Variants in ASB2 observed in about 807,000 individuals in gnomAD.
ASB2 encodes the protein ankyrin repeat and SOCS box containing 2, also known as ankyrin repeat and SOCS box protein 2.
Under a neutral mutation model 62.4 loss-of-function variants are expected in ASB2, and 58 were observed. The ratio of observed to expected loss-of-function variants is 0.93; its 90% confidence interval spans 0.75 to 1.16. The LOEUF is 1.16. ASB2 is among the 50% of genes most tolerant of loss of function. The pLI is 0.00. For missense variants in ASB2, 928 were observed against 887.9 expected (o/e 1.05, Z -0.57); for synonymous variants, 386 against 385.3 (o/e 1.00, Z -0.02).
At position 93,957,016 on chromosome 14, in the gene ASB2, C is replaced by T. The variant is rs371389301; in HGVS notation, c.207-146G>A. On this transcript the variant is annotated intron_variant, in intron 2 of 9. Transcript: ENST00000555019. ...AGGGCTCTGAACCAAAGCAGATGGC[C>T]GGGTCCTCTGTGTGCTGGACACAGC... 6.6e-5 allele frequency: 101 copies of T among 1,533,790 alleles called. No homozygotes were observed. In the African/African-American group the frequency reaches 7.6e-4, roughly 11 times the overall value.
chr14:93,942,122 C>A, intron 7 of ASB2: 2 of 453,706 alleles, frequency 4.4e-6, no homozygotes, highest in South Asian at 3.1e-5. Flanking sequence ...TCTTCCCAGC[C>A]CATTTTGTGG....
intron 2 of ASB2, among the ~76,000 whole-genome samples, chr14:93,959,664 G>A (rs113746793): frequency 0.018 from 2,698 of 152,260 alleles, 78 homozygotes; most frequent in African/African-American, 0.062. Flanking sequence ...CAGGTTCTGG[G>A]GTGGAGAATG....
chr14:93,937,593 G>T, intron 9 of ASB2, 105 bp downstream of exon 9: 2 of 1,158,008 alleles, frequency 1.7e-6, no homozygotes, highest in Non-Finnish European at 2.4e-6. Context: ...AGCCTGGCAA[G>T]CAGCAGGTGC....
chr14:93,973,052 G>A (rs568701312), intron 1 of ASB2, among the ~76,000 whole-genome samples: 1 of 152,334 alleles, frequency 6.6e-6, no homozygotes, highest in Admixed American at 6.5e-5. Context: ...GGGGCTGCTG[G>A]AGGTGACTCA....
rs745454182 is a variant in ASB2 at position 93,939,156 on chromosome 14, G to T, written c.1569C>A (p.Ser523Arg). 3 of 1,586,452 alleles carry T rather than the reference G, an allele frequency of 1.9e-6. No homozygotes were observed. Among genetic ancestry groups the T allele is most frequent in the Non-Finnish European group, 2.6e-6 (3 of 1,162,412 alleles). The change falls in exon 8 of 10, where the codon AGC becomes AGA. Residue 523 changes from serine (S) to arginine (R), a missense_variant. Physicochemically the swap from Ser to Arg is moderately radical, Grantham distance 110. Coordinates refer to ENST00000555019, the MANE Select transcript of ASB2 (RefSeq NM_001202429.2). ...CGGCCGCGGGCGCGTCGTTGAACCT[G>T]CTGGAGGGCTGCGGGGCCGGCGGGT... Reference protein sequence around the residue: ...GPHPPAPQPSSRFNDAPAADK... With the variant: ...GPHPPAPQPSRRFNDAPAADK...
At chr14:93,973,311 CG>C (rs1336733876) in intron 1 of ASB2, among the ~76,000 whole-genome samples, 1 of 152,142 alleles carries the variant, frequency 6.6e-6, no homozygotes, top group Non-Finnish European at 1.5e-5. Context: ...GAATCTCTCC[CG>C]AAGAGTCTAA....
intron 1 of ASB2, among the ~76,000 whole-genome samples, chr14:93,972,872 G>A (rs1171864701): frequency 6.6e-6 from 1 of 152,214 alleles, no homozygotes; most frequent in Non-Finnish European, 1.5e-5. Flanking sequence ...AGGAGTTTGA[G>A]CCTTTGCTCA....
At chr14:93,964,140 G>A (rs1889499820) in intron 2 of ASB2, among the ~76,000 whole-genome samples, 194 bp downstream of exon 2, 1 of 152,198 alleles carries the variant, frequency 6.6e-6, no homozygotes, top group Non-Finnish European at 1.5e-5. Context: ...AGGAGGCAGA[G>A]TGTGTATAGC....
intron 1 of ASB2, among the ~76,000 whole-genome samples, chr14:93,969,272 C>T (rs1445782330): frequency 5.3e-5 from 8 of 152,116 alleles, no homozygotes; most frequent in African/African-American, 9.7e-5. Flanking sequence ...GCTATGGCGG[C>T]GTCTCCTGGG....
At chr14:93,954,524 A>C (rs1484517255) in intron 3 of ASB2, 41 bp from the exon 4 acceptor site, 2 of 1,601,922 alleles carry the variant, frequency 1.2e-6, no homozygotes, top group Non-Finnish European at 1.7e-6. Context: ...AGGTCAGGCC[A>C]AGGCCAGGCC....
At chr14:93,945,375 T>A (rs573066455) in intron 7 of ASB2, among the ~76,000 whole-genome samples, 1 of 152,344 alleles carries the variant, frequency 6.6e-6, no homozygotes, top group African/African-American at 2.4e-5. Context: ...AGCTGCTGTC[T>A]GAACCGCTCA....
At chr14:93,976,140 C>A (rs1251867623) in intron 1 of ASB2, among the ~76,000 whole-genome samples, 1 of 152,228 alleles carries the variant, frequency 6.6e-6, no homozygotes, top group Middle Eastern at 3.2e-3. Flanking sequence ...ACAATAGCAT[C>A]ATTGATAAGT....
chr14:93,974,376 A>G lies in ASB2; in HGVS notation c.-74+2058T>C, dbSNP rs111679318. ...TTATTCCAAACAATGGTGCTAAGGA[A>G]AGAGAACCACAGACACAAGCCACTC... On this transcript the variant is annotated intron_variant, in intron 1 of 9. Coordinates refer to ENST00000555019, the MANE Select transcript of ASB2 (RefSeq NM_001202429.2). 4.3e-3 allele frequency among the ~76,000 whole-genome samples: 652 copies of G among 152,372 alleles called. 2 individuals are homozygous for G. Among genetic ancestry groups the G allele is most frequent in the Middle Eastern group, 0.024 (7 of 294 alleles).
At chr14:93,958,334 T>C (rs553286760) in intron 2 of ASB2, among the ~76,000 whole-genome samples, 69 of 152,334 alleles carry the variant, frequency 4.5e-4, no homozygotes, top group African/African-American at 1.6e-3. Context: ...GGGACTTAAC[T>C]GTGCAGGGTC....
chr14:93,950,389 T>C (rs751882237), intron 6 of ASB2, among the ~76,000 whole-genome samples: 1 of 152,216 alleles, frequency 6.6e-6, no homozygotes, highest in Non-Finnish European at 1.5e-5. Flanking sequence ...GCAGGCCGTA[T>C]TGTGTTATTT....
At chr14:93,937,581 A>C in intron 9 of ASB2, 117 bp downstream of exon 9, 1 of 1,060,016 alleles carries the variant, frequency 9.4e-7, no homozygotes, top group Non-Finnish European at 1.3e-6. Flanking sequence ...AAGGAGTTAC[A>C]GAGCCTGGCA....
At chr14:93,962,269 T>C (rs1481577080) in intron 2 of ASB2, among the ~76,000 whole-genome samples, 2 of 151,746 alleles carry the variant, frequency 1.3e-5, no homozygotes, top group Non-Finnish European at 2.9e-5. Flanking sequence ...CGCCCGCCAC[T>C]ACGCCCGGCT....
intron 6 of ASB2, among the ~76,000 whole-genome samples, chr14:93,949,996 A>C (rs1888892702): frequency 6.6e-6 from 1 of 152,242 alleles, no homozygotes; most frequent in African/African-American, 2.4e-5. Flanking sequence ...GGTGGCTGGC[A>C]GAGCACAAAG....
intron 6 of ASB2, 44 bp downstream of exon 6, chr14:93,950,955 T>C: frequency 6.3e-7 from 1 of 1,580,882 alleles, no homozygotes. Context: ...CCTTCCCGTG[T>C]GCCCTTTGGG....
Sources: gnomAD v4.1 joint callset for allele counts (sites outside exome capture counted in the v4.1 genomes callset) on GRCh38, gnomAD v4.1.1 for gene constraint, MANE v1.5 for transcripts, NCBI Gene and HGNC (gene_info 2026-07-23, HGNC 2026-07-21) for gene names.